The following MIB1 variants were observed in gnomAD, a reference collection of about 807,000 sequenced individuals.
MIB1 encodes the protein E3 ubiquitin-protein ligase MIB1.
A neutral mutation model predicts 124.5 loss-of-function variants in MIB1; 278 were observed. The observed-to-expected ratio is 2.23, with a 90% CI of 2.02 to 2.47. MIB1 has a LOEUF of 2.47. MIB1 is among the 30% of genes most tolerant of loss of function. The pLI is 0.00. For synonymous variants in MIB1, 446 were observed against 429.4 expected, an observed-to-expected ratio of 1.04 and a Z score of -0.48; for missense variants, 957 against 1,254.4, an observed-to-expected ratio of 0.76 and a Z score of 3.58.
At chr18:21,740,093 A>G (rs2040827813), upstream of MIB1, among the ~76,000 whole-genome samples, 1 of 152,218 alleles carries the variant, frequency 6.6e-6, no homozygotes, top group East Asian at 1.9e-4. Context: ...TATGCTAACA[A>G]TGCATGCTAA....
chr18:21,723,511 A>G (rs375732098), intron 1 of MIB1, among the ~76,000 whole-genome samples: 2 of 152,070 alleles, frequency 1.3e-5, no homozygotes, highest in Admixed American at 1.3e-4. Flanking sequence ...GTGTATATAC[A>G]TATCTATAAT....
At chr18:21,726,516 T>G (rs1180029593) in intron 1 of MIB1, among the ~76,000 whole-genome samples, 2 of 152,118 alleles carry the variant, frequency 1.3e-5, no homozygotes, top group East Asian at 3.9e-4. Context: ...GTCTCCTCTT[T>G]GAGATTTCTA....
upstream of MIB1, among the ~76,000 whole-genome samples, chr18:21,736,619 A>G (rs1412530195): frequency 6.6e-6 from 1 of 152,216 alleles, no homozygotes; most frequent in Non-Finnish European, 1.5e-5. Context: ...GGAAACTTGA[A>G]AAAAGGTTAG....
chr18:21,735,549 GC>G (rs2040792787), intron 1 of MIB1, among the ~76,000 whole-genome samples: 1 of 152,134 alleles, frequency 6.6e-6, no homozygotes, highest in African/African-American at 2.4e-5. Context: ...TGGAAAGGGG[GC>G]TGAAGCCAGT....
Position 21,838,467 on chromosome 18 carries a change from CG to C in MIB1, c.1933del (p.Val645Ter). On this transcript the variant is annotated frameshift_variant, in exon 13 of 21. Transcript: ENST00000261537. LOFTEE classifies it high-confidence loss of function. Reference sequence around the variant, plus strand: ...TACATCTGGCTGCCCTTAATAATCACGTAGAAGTGGCTGAACTGTTGGTACA... The same window carrying C: ...TACATCTGGCTGCCCTTAATAATCACTAGAAGTGGCTGAACTGTTGGTACA... ...ALHLAALNNHVEVAELLVHQG... is the reference protein window; with the variant it reads ...ALHLAALNNHXEVAELLVHQG... The C allele has an allele frequency of 6.2e-7, 1 of 1,608,166 alleles. No individual in the cohort carries two copies. The highest frequency in any genetic ancestry group is 8.5e-7 in the Non-Finnish European group (1 of 1,177,358).
At chr18:21,712,487 G>A (rs1259753230) in intron 1 of MIB1, among the ~76,000 whole-genome samples, 2 of 152,194 alleles carry the variant, frequency 1.3e-5, no homozygotes, top group African/African-American at 4.8e-5. Flanking sequence ...TCAGCCTTGA[G>A]GAAGCAGCCA....
intron 1 of MIB1, among the ~76,000 whole-genome samples, chr18:21,732,352 ACAC>A (rs2040775460): frequency 3.3e-3 from 2 of 600 alleles, no homozygotes; most frequent in African/African-American, 6.2e-3. Context: ...TTATATGTAT[ACAC>A]ACACACACAC....
intron 11 of MIB1, chr18:21,817,767 C>T (rs2041843260): frequency 5.1e-6 from 2 of 389,064 alleles, no homozygotes; most frequent in African/African-American, 2.1e-5. Flanking sequence ...CTTTCATATT[C>T]CTGTAGCTTC....
At chr18:21,750,796 T>G (rs1390216063) in intron 1 of MIB1, among the ~76,000 whole-genome samples, 1 of 152,172 alleles carries the variant, frequency 6.6e-6, no homozygotes, top group Non-Finnish European at 1.5e-5. Context: ...CCTTTTTCAT[T>G]GTGTTGGTTT....
At position 21,778,163 on chromosome 18, in the gene MIB1, G is replaced by A. The variant is rs1353255523; in HGVS notation, c.697G>A (p.Val233Met). 1 of 1,600,246 alleles carries A rather than the reference G, an allele frequency of 6.2e-7. No individual in the cohort carries two copies. The highest frequency in any genetic ancestry group is 1.3e-5 in the African/African-American group (1 of 74,650). ...TTCTTTCTACAGAGATCACTGCCCTGTGCTAGGTGAGTGAGAAGATTAGAG... is the reference window on the plus strand; with the variant it reads ...TTCTTTCTACAGAGATCACTGCCCTATGCTAGGTGAGTGAGAAGATTAGAG... The part of the protein sequence containing the change: ...GGSFYRDHCP[V>M]LGEQNGNRNP... Residue 233 changes from valine (V) to methionine (M), a missense_variant, in exon 5 of 21, where the codon GTG becomes ATG. Val to Met is a conservative substitution (Grantham distance 21). Transcript: ENST00000261537.
chr18:21,724,727 A>AATATATATATATAT (rs60650753), intron 1 of MIB1, among the ~76,000 whole-genome samples: 7 of 17,374 alleles, frequency 4.0e-4, no homozygotes, highest in Non-Finnish European at 6.6e-4. Flanking sequence ...AAAAAAAAAA[A>AATATATATATATAT]ATATATATAT....
chr18:21,802,594 A>C (rs1450057478), intron 9 of MIB1, among the ~76,000 whole-genome samples: 2 of 152,170 alleles, frequency 1.3e-5, no homozygotes, highest in Non-Finnish European at 2.9e-5. Flanking sequence ...GGTCTTTATA[A>C]GAAAACATTT....
intron 7 of MIB1, among the ~76,000 whole-genome samples, chr18:21,795,337 ATATATAT>A (rs2041564408): frequency 7.3e-6 from 1 of 136,358 alleles, no homozygotes; most frequent in African/African-American, 2.9e-5. Flanking sequence ...TAAATATATA[ATATATAT>A]AATATATAAA....
chr18:21,826,646 G>T (rs1199655364), intron 12 of MIB1: 2 of 152,010 alleles, frequency 1.3e-5, no homozygotes, highest in Non-Finnish European at 2.9e-5. Flanking sequence ...TTGTTATAAT[G>T]TGGTTTTACT....
intron 7 of MIB1, among the ~76,000 whole-genome samples, chr18:21,796,513 T>C (rs2041582902): frequency 6.6e-6 from 1 of 152,106 alleles, no homozygotes; most frequent in Admixed American, 6.6e-5. Flanking sequence ...TGTATAGCTA[T>C]GTAACAAACC....
chr18:21,730,127 T>C (rs1194846961), intron 1 of MIB1, among the ~76,000 whole-genome samples: 3 of 152,220 alleles, frequency 2.0e-5, no homozygotes, highest in Non-Finnish European at 4.4e-5. Context: ...GTAGTCTGAT[T>C]TGTGCCACCA....
intron 1 of MIB1, among the ~76,000 whole-genome samples, chr18:21,729,187 T>C (rs1426198106): frequency 6.6e-6 from 1 of 152,228 alleles, no homozygotes; most frequent in Non-Finnish European, 1.5e-5. Flanking sequence ...ATCACCTCTA[T>C]AGGTCTTTGG....
intron 16 of MIB1, among the ~76,000 whole-genome samples, chr18:21,847,948 A>C (rs1245857409): frequency 6.6e-6 from 1 of 152,198 alleles, no homozygotes; most frequent in Non-Finnish European, 1.5e-5. Context: ...GTGCTGTGCA[A>C]CTGTTGTTGC....
chr18:21,722,967 T>G (rs947408552), intron 1 of MIB1, among the ~76,000 whole-genome samples: 1 of 152,164 alleles, frequency 6.6e-6, no homozygotes, highest in Non-Finnish European at 1.5e-5. Context: ...TAGCACACTC[T>G]TAAGACGGAG....
Sources: gnomAD v4.1 joint callset for allele counts (sites outside exome capture counted in the v4.1 genomes callset) on GRCh38, gnomAD v4.1.1 for gene constraint, MANE v1.5 for transcripts, NCBI Gene and HGNC (gene_info 2026-07-23, HGNC 2026-07-21) for gene names.